Variants in LRRC20 observed in about 807,000 individuals in gnomAD.
LRRC20 encodes leucine-rich repeat-containing protein 20.
A neutral mutation model predicts 14.4 loss-of-function variants in LRRC20; 11 were observed. The ratio of observed to expected loss-of-function variants is 0.77; its 90% confidence interval spans 0.48 to 1.27. The LOEUF (loss-of-function observed/expected upper bound fraction) is 1.27. LRRC20 is among the 50% of genes most tolerant of loss of function. The pLI is 0.00. For synonymous variants in LRRC20, 121 were observed against 107.3 expected (o/e 1.13, Z -0.79); for missense variants, 219 against 251.2 (o/e 0.87, Z 0.87).
intron 4 of LRRC20, among the ~76,000 whole-genome samples, chr10:70,321,445 C>T (rs1054761393): frequency 6.6e-5 from 10 of 152,192 alleles, no homozygotes; most frequent in African/African-American, 1.2e-4. Flanking sequence ...TCAAGTAACT[C>T]GGATGGATCA....
At chr10:70,347,015 A>G (rs540086150) in intron 2 of LRRC20, among the ~76,000 whole-genome samples, 5 of 152,182 alleles carry the variant, frequency 3.3e-5, no homozygotes, top group African/African-American at 1.2e-4. Context: ...CCTCCCAAGT[A>G]GCTGGGACTA....
In LRRC20 at chr10:70,340,615, A is replaced by G. The variant is rs751262690; in HGVS notation, c.170T>C (p.Leu57Pro). The change falls in exon 3 of 5, where the codon CTG becomes CCG. Residue 57 changes from leucine (L) to proline (P), a missense_variant. Leu to Pro is a moderately conservative substitution (Grantham distance 98). Coordinates refer to ENST00000446961, the MANE Select transcript of LRRC20 (RefSeq NM_001278212.2). Reference sequence around the variant, plus strand: ...GAGGGACTTAAGCTCGTTGTTAGCCAGGGTGATGAGGTGGATCTGGCCAGA... The same window carrying G: ...GAGGGACTTAAGCTCGTTGTTAGCCGGGGTGATGAGGTGGATCTGGCCAGA... ...NVSGQIHLIT[L>P]ANNELKSLTS... is the part of the protein sequence containing the mutation. The G allele has an allele frequency of 5.0e-6, 8 of 1,614,086 alleles. No individual in the cohort carries two copies. The highest frequency in any genetic ancestry group is 6.8e-6 in the Non-Finnish European group (8 of 1,180,040).
At chr10:70,372,636 G>A (rs1263778444) in intron 2 of LRRC20, among the ~76,000 whole-genome samples, 1 of 151,670 alleles carries the variant, frequency 6.6e-6, no homozygotes, top group African/African-American at 2.4e-5. Flanking sequence ...TAGAGATGGG[G>A]TTTCACCATG....
chr10:70,351,317 A>G (rs1843299568), intron 2 of LRRC20, among the ~76,000 whole-genome samples: 1 of 152,202 alleles, frequency 6.6e-6, no homozygotes, highest in East Asian at 1.9e-4. Flanking sequence ...GATTCTTATC[A>G]ATAGGCAAAC....
Position 70,301,414 on chromosome 10 carries a change from C to T in LRRC20, c.495G>A (p.Pro165=), listed in dbSNP as rs149319681. Residue 165 remains proline, a synonymous_variant, in exon 5 of 5, where the codon CCG becomes CCA. Transcript: ENST00000446961. The stretch of plus-strand genomic sequence containing the variant: ...TGAGCATGTCAAACTTGATGAGCGG[C>T]GGGGCGATCACGCGCACCTCGGCGT... ...PLNAEVRVIA[P]PLIKFDMLMS... is the part of the protein sequence containing the mutation. 1.4e-5 allele frequency: 23 copies of T among 1,613,642 alleles called. No individual in the cohort carries two copies. In the South Asian group the frequency reaches 1.4e-4, roughly 10 times the overall value.
intron 2 of LRRC20, among the ~76,000 whole-genome samples, chr10:70,354,425 T>A (rs1843447769): frequency 1.3e-5 from 2 of 152,138 alleles, no homozygotes; most frequent in African/African-American, 4.8e-5. Flanking sequence ...GCTACTCCAG[T>A]GCAGTGGTTC....
chr10:70,341,007 A>G lies in LRRC20; in HGVS notation c.83-305T>C, dbSNP rs148733549. Among the ~76,000 whole-genome samples the G allele has an allele frequency of 2.4e-3, 366 of 152,364 alleles. 1 individual carries two copies. The highest frequency in any genetic ancestry group is 3.9e-3 in the South Asian group (19 of 4,826). ...CACAAAGATGACTGGCATTCATAGC[A>G]GTGCCTTTGAGATCCTGCAGAATCC... On this transcript the variant is annotated intron_variant, in intron 2 of 4. Transcript: ENST00000446961.
rs532662568 is a variant in LRRC20, at chr10:70,324,373, G to A, written c.233-343C>T. On this transcript the variant is annotated intron_variant, in intron 3 of 4. Transcript: ENST00000446961. ...CAAAGCCTCAACTCCGGGCCCTGAC[G>A]GGGCAGGTCAGGATGGGCGGCCTCT... is the stretch of plus-strand genomic sequence containing the variant. Among the ~76,000 whole-genome samples, 4 of 152,304 alleles carry A rather than the reference G, an allele frequency of 2.6e-5. No individual in the cohort carries two copies. In the South Asian group the frequency reaches 6.2e-4, roughly 24 times the overall value.
intron 3 of LRRC20, among the ~76,000 whole-genome samples, chr10:70,335,242 C>T (rs1842686607): frequency 6.6e-6 from 1 of 152,226 alleles, no homozygotes; most frequent in Non-Finnish European, 1.5e-5. Context: ...CTCAACTCCA[C>T]ATTGCTGGAT....
At position 70,328,239 on chromosome 10, in the gene LRRC20, C is replaced by T. The variant is rs150519578; in HGVS notation, c.233-4209G>A. 1.8e-3 allele frequency among the ~76,000 whole-genome samples: 274 copies of T among 152,220 alleles called. 2 individuals are homozygous for T. Among genetic ancestry groups the T allele is most frequent in the Middle Eastern group, 0.014 (4 of 294 alleles). ...AGCCTAATCACATATTTACTAAGCA[C>T]CTACTATATGCTCAGCCTTGTAACT... On this transcript the variant is annotated intron_variant, in intron 3 of 4. Transcript: ENST00000446961.
chr10:70,343,810 G>C (rs1010114045), intron 2 of LRRC20, among the ~76,000 whole-genome samples: 1 of 152,176 alleles, frequency 6.6e-6, no homozygotes, highest in Non-Finnish European at 1.5e-5. Context: ...TACATCCCAG[G>C]AGCAACATCA....
intron 3 of LRRC20, among the ~76,000 whole-genome samples, chr10:70,335,591 G>T (rs559637676): frequency 6.6e-6 from 1 of 152,262 alleles, no homozygotes; most frequent in Non-Finnish European, 1.5e-5. Flanking sequence ...TGCCTTCCTG[G>T]CCTGGCCTCA....
intron 3 of LRRC20, among the ~76,000 whole-genome samples, chr10:70,331,235 G>C (rs1323757992): frequency 6.6e-6 from 1 of 152,140 alleles, no homozygotes; most frequent in African/African-American, 2.4e-5. Flanking sequence ...AATCTTGCAT[G>C]CACCAAACCC....
At chr10:70,365,489 G>C (rs553145466) in intron 2 of LRRC20, among the ~76,000 whole-genome samples, 80 of 152,282 alleles carry the variant, frequency 5.3e-4, no homozygotes, top group African/African-American at 1.8e-3. Flanking sequence ...AATACCAAAA[G>C]TATCATGTAT....
At chr10:70,360,697 C>T (rs1184877783) in intron 2 of LRRC20, among the ~76,000 whole-genome samples, 3 of 152,138 alleles carry the variant, frequency 2.0e-5, no homozygotes, top group African/African-American at 7.2e-5. Flanking sequence ...CCCGCCCTGG[C>T]CTCTCAAAGT....
chr10:70,329,780 G>C lies in LRRC20; in HGVS notation c.233-5750C>G, dbSNP rs181485485. On this transcript the variant is annotated intron_variant, in intron 3 of 4. Coordinates refer to ENST00000446961, the MANE Select transcript of LRRC20 (RefSeq NM_001278212.2). Reference sequence around the variant, plus strand: ...GGGTTTCCCCATGTTGCCCAGGCTGGTCTCGAACTCCCGAGCTCAGGCAAT... The same window carrying C: ...GGGTTTCCCCATGTTGCCCAGGCTGCTCTCGAACTCCCGAGCTCAGGCAAT... 4.0e-4 allele frequency among the ~76,000 whole-genome samples: 61 copies of C among 152,158 alleles called. No homozygotes were observed. The East Asian group carries it at 0.012, about 29-fold the overall frequency.
intron 2 of LRRC20, among the ~76,000 whole-genome samples, chr10:70,365,890 G>A (rs942907659): frequency 6.6e-6 from 1 of 151,972 alleles, no homozygotes; most frequent in Non-Finnish European, 1.5e-5. Context: ...CTAACACGGT[G>A]AAACCCCTCT....
In LRRC20 at chr10:70,340,678, G is replaced by C. The variant is rs775551438; in HGVS notation, c.107C>G (p.Ser36Cys). 74 of 1,614,108 alleles carry C rather than the reference G, an allele frequency of 4.6e-5. No individual in the cohort carries two copies. The highest frequency in any genetic ancestry group is 6.1e-5 in the Non-Finnish European group (72 of 1,180,056). The stretch of plus-strand genomic sequence containing the variant: ...GACCTTGTAGATGCCAATGGGAAAG[G>C]AGACCAGCTTGCACTCGGCCAGGTC... ...TLDLAECKLV[S>C]FPIGIYKVLR... Residue 36 changes from serine (S) to cysteine (C), a missense_variant, in exon 3 of 5, where the codon TCC becomes TGC. By Grantham distance (112) the Ser-to-Cys change is moderately radical (BLOSUM62 -1). Transcript: ENST00000446961.
chr10:70,378,932 G>C (rs1210193211), intron 1 of LRRC20, among the ~76,000 whole-genome samples: 1 of 152,106 alleles, frequency 6.6e-6, no homozygotes, highest in Non-Finnish European at 1.5e-5. Context: ...GGTGACAAGA[G>C]CAAAGCTCTG....
Sources: allele counts gnomAD v4.1 joint callset (sites outside exome capture counted in the v4.1 genomes callset), GRCh38; gene constraint gnomAD v4.1.1; transcripts MANE v1.5; gene names NCBI Gene and HGNC (gene_info 2026-07-23, HGNC 2026-07-21).